SETBP1: variants seen among roughly 807,000 people sequenced by gnomAD.
SETBP1 encodes the protein SET-binding protein.
Under a neutral mutation model 101.0 loss-of-function variants are expected in SETBP1, and 9 were observed. The ratio of observed to expected loss-of-function variants is 0.09; its 90% CI spans 0.05 to 0.16. The LOEUF (loss-of-function observed/expected upper bound fraction) is 0.16. Among genes scored for constraint, SETBP1 ranks in the 10% least tolerant of loss-of-function variants. The probability of loss-of-function intolerance (pLI) is 1.00; values close to 1 mark genes in which losing one functional copy is unlikely to be tolerated. For missense variants in SETBP1, 1,858 were observed against 2,033.8 expected (o/e 0.91, Z 1.66); for synonymous variants, 818 against 788.5 (o/e 1.04, Z -0.63).
In SETBP1 at chr18:44,775,071, A is replaced by G. The variant is rs149867477; in HGVS notation, c.486+73239A>G. On this transcript the variant is annotated intron_variant, in intron 2 of 5. Transcript: ENST00000649279. ...TGAAAATGCTGATACCTTCAAATCAATGCACCTTGCATTGCTACTAAAGGT... is the reference window on the plus strand; with the variant it reads ...TGAAAATGCTGATACCTTCAAATCAGTGCACCTTGCATTGCTACTAAAGGT... Among the ~76,000 whole-genome samples the G allele has an allele frequency of 1.1e-3, 170 of 152,302 alleles. 1 individual carries two copies. Among genetic ancestry groups the G allele is most frequent in the African/African-American group, 3.8e-3 (158 of 41,560 alleles).
intron 4 of SETBP1, among the ~76,000 whole-genome samples, chr18:45,000,146 G>C (rs548506242): frequency 1.3e-5 from 2 of 152,354 alleles, no homozygotes; most frequent in African/African-American, 4.8e-5. Context: ...GTTTAAGAGG[G>C]ATATGATTTG....
chr18:45,052,848 A>C (rs2145558664), intron 5 of SETBP1, among the ~76,000 whole-genome samples: 1 of 152,384 alleles, frequency 6.6e-6, no homozygotes, highest in East Asian at 1.9e-4. Context: ...AAGGACAGGC[A>C]TTAACTTTTA....
intron 3 of SETBP1, among the ~76,000 whole-genome samples, chr18:44,933,557 C>A (rs1297198935): frequency 6.6e-6 from 1 of 152,218 alleles, no homozygotes; most frequent in African/African-American, 2.4e-5. Context: ...GAGGTGGAGT[C>A]TACTGAGGCA....
chr18:44,823,109 C>T (rs1016920363), intron 2 of SETBP1, among the ~76,000 whole-genome samples: 3 of 152,036 alleles, frequency 2.0e-5, no homozygotes, highest in Non-Finnish European at 2.9e-5. Flanking sequence ...CCAGGCTAGG[C>T]GATAGAGTGA....
At chr18:44,926,290 GTCT>G (rs1825493203) in intron 3 of SETBP1, among the ~76,000 whole-genome samples, 1 of 152,136 alleles carries the variant, frequency 6.6e-6, no homozygotes, top group Non-Finnish European at 1.5e-5. Context: ...ACATGCCTTT[GTCT>G]TAAAAGCCTT....
chr18:44,866,882 C>T (rs544932618), intron 2 of SETBP1, among the ~76,000 whole-genome samples: 1 of 152,314 alleles, frequency 6.6e-6, no homozygotes, highest in South Asian at 2.1e-4. Flanking sequence ...AAGGGTTGTT[C>T]ACCAGGATAC....
At chr18:44,958,048 C>A (rs2071529897) in intron 4 of SETBP1, among the ~76,000 whole-genome samples, 1 of 152,160 alleles carries the variant, frequency 6.6e-6, no homozygotes, top group Non-Finnish European at 1.5e-5. Flanking sequence ...AGCTGAAAGA[C>A]CTCTTCTGTT....
chr18:44,985,896 G>A (rs2072220807), intron 4 of SETBP1, among the ~76,000 whole-genome samples: 2 of 152,188 alleles, frequency 1.3e-5, no homozygotes, highest in African/African-American at 4.8e-5. Context: ...AATATTTGGA[G>A]CCAAGAACCA....
chr18:44,783,991 A>G (rs1444060793), intron 2 of SETBP1, among the ~76,000 whole-genome samples: 3 of 152,240 alleles, frequency 2.0e-5, no homozygotes, highest in African/African-American at 7.2e-5. Context: ...GTTAATGTAG[A>G]AGGCCACCCT....
At chr18:44,958,364 G>A (rs1025354873) in intron 4 of SETBP1, among the ~76,000 whole-genome samples, 8 of 152,108 alleles carry the variant, frequency 5.3e-5, no homozygotes, top group Admixed American at 2.6e-4. Flanking sequence ...TCTCCTTTGC[G>A]AAAGGTAGAA....
chr18:44,708,794 T>G (rs2069277544), intron 2 of SETBP1, among the ~76,000 whole-genome samples: 1 of 152,188 alleles, frequency 6.6e-6, no homozygotes, highest in South Asian at 2.1e-4. Flanking sequence ...CAAAGCAGCA[T>G]TTTCCCTCTG....
Position 44,952,902 on chromosome 18 carries a change from G to C in SETBP1, c.3562G>C (p.Glu1188Gln). ...AGGCTTCTCCAGCCACATCCTGAGC[G>C]AGCGGCTGAGTAGCGCAGACAAAGA... ...ATGFSSHILS[E>Q]RLSSADKELP... The change falls in exon 4 of 6, where the codon GAG becomes CAG. Residue 1188 changes from glutamate to glutamine, a missense_variant. Glu to Gln is a conservative substitution (Grantham distance 29). Coordinates refer to ENST00000649279, the MANE Select transcript of SETBP1 (RefSeq NM_015559.3). The C allele has an allele frequency of 6.2e-7, 1 of 1,614,144 alleles. No homozygotes were observed. Among genetic ancestry groups the C allele is most frequent in the African/African-American group, 1.3e-5 (1 of 75,022 alleles).
chr18:44,839,919 T>C (rs1447473474), intron 2 of SETBP1, among the ~76,000 whole-genome samples: 1 of 152,192 alleles, frequency 6.6e-6, no homozygotes, highest in Admixed American at 6.5e-5. Flanking sequence ...AACAATCATA[T>C]TGATATGTAA....
At chr18:44,820,381 T>C (rs1428443249) in intron 2 of SETBP1, among the ~76,000 whole-genome samples, 5 of 152,206 alleles carry the variant, frequency 3.3e-5, no homozygotes, top group Admixed American at 3.3e-4. Context: ...GACTGGGTAC[T>C]TTCCTGGCCA....
chr18:44,876,253 A>G (rs1015465303), intron 3 of SETBP1, among the ~76,000 whole-genome samples: 2 of 152,162 alleles, frequency 1.3e-5, no homozygotes, highest in Non-Finnish European at 2.9e-5. Context: ...ATTTCACCAC[A>G]TAATATTTAC....
At chr18:44,806,071 TTCTG>T (rs2071726670) in intron 2 of SETBP1, among the ~76,000 whole-genome samples, 1 of 152,156 alleles carries the variant, frequency 6.6e-6, no homozygotes, top group Non-Finnish European at 1.5e-5. Flanking sequence ...TTCTTGATAT[TTCTG>T]TTATCCTGAA....
rs2073951899 is a variant in SETBP1, at chr18:45,065,263, A to G, written c.*1565A>G. On this transcript the variant is annotated 3_prime_UTR_variant, in exon 6 of 6. Transcript: ENST00000649279. ...ATGTTTTCTAAAAGTCAGATTGTGG[A>G]AATTTCAAATAAGTATTTTCAATTT... 6.6e-6 allele frequency: 1 copy of G among 152,232 alleles called. No individual in the cohort carries two copies. The highest frequency in any genetic ancestry group is 6.5e-5 in the Admixed American group (1 of 15,280). The allele number at this position is 152,232 out of a possible 1,614,324, so 9.4% of individuals were successfully genotyped here. A position where few individuals can be genotyped will look rare whatever the true frequency, so the allele number is the denominator to read the frequency against.
chr18:44,951,495 G>C lies in SETBP1; in HGVS notation c.2155G>C (p.Gly719Arg). The C allele has an allele frequency of 6.2e-7, 1 of 1,614,076 alleles. No individual in the cohort carries two copies. Among genetic ancestry groups the C allele is most frequent in the Non-Finnish European group, 8.5e-7 (1 of 1,180,030 alleles). ...CAAGCAGATTAATGTCAGCAAGAGG[G>C]GAACCATCTACATTGGCAAGAAGCG... ...LGKQINVSKR[G>R]TIYIGKKRGR... Residue 719 changes from glycine (G) to arginine (R), a missense_variant, in exon 4 of 6, where the codon GGA becomes CGA. Coordinates refer to ENST00000649279, the MANE Select transcript of SETBP1 (RefSeq NM_015559.3). This position sits in a 1 kb window ranked among gnomAD's most constrained non-coding sequence, Gnocchi z 7.8.
At chr18:44,865,138 G>A (rs1256827673) in intron 2 of SETBP1, among the ~76,000 whole-genome samples, 1 of 152,190 alleles carries the variant, frequency 6.6e-6, no homozygotes, top group Non-Finnish European at 1.5e-5. Flanking sequence ...TTCTGCAGAG[G>A]TGCTCAGGGT....
Sources: gnomAD v4.1 joint callset for allele counts (sites outside exome capture counted in the v4.1 genomes callset) on GRCh38, gnomAD v4.1.1 for gene constraint, Gnocchi (gnomAD v3.1) non-coding constraint, MANE v1.5 for transcripts, NCBI Gene and HGNC (gene_info 2026-07-23, HGNC 2026-07-21) for gene names.